GPC6: variants seen among roughly 807,000 people sequenced by gnomAD.
GPC6 encodes glypican 6, also known as glypican-6.
Under a neutral mutation model 55.2 loss-of-function variants are expected in GPC6, and 14 were observed. The ratio of observed to expected loss-of-function variants is 0.25; its 90% CI spans 0.17 to 0.40. The LOEUF (loss-of-function observed/expected upper bound fraction) is 0.40, where lower values mean the gene tolerates loss of function less well. Ranked by LOEUF, GPC6 falls within the 10% of genes least tolerant of loss-of-function variation. GPC6 has a pLI of 1.00. For missense variants in GPC6, 641 were observed against 708.5 expected (o/e 0.90, Z 1.08); for synonymous variants, 278 against 259.6 (o/e 1.07, Z -0.68).
intron 2 of GPC6, among the ~76,000 whole-genome samples, chr13:93,603,881 T>C (rs917803216): frequency 2.6e-5 from 4 of 152,214 alleles, no homozygotes; most frequent in Non-Finnish European, 5.9e-5. Flanking sequence ...CATTTATCTA[T>C]GTACTCTGAT....
At chr13:94,223,506 C>G (rs1282559809) in intron 4 of GPC6, among the ~76,000 whole-genome samples, 1 of 152,148 alleles carries the variant, frequency 6.6e-6, no homozygotes, top group East Asian at 1.9e-4. Context: ...GGTTATGGAA[C>G]TTGGATTTGA....
At chr13:94,066,875 C>A (rs114279283) in intron 4 of GPC6, among the ~76,000 whole-genome samples, 2,129 of 152,220 alleles carry the variant, frequency 0.014, 52 homozygotes, top group South Asian at 0.089. Flanking sequence ...GAGAAAGCTC[C>A]CTGAGAGAGA....
chr13:93,989,712 T>C (rs1881205372), intron 3 of GPC6, among the ~76,000 whole-genome samples: 1 of 152,118 alleles, frequency 6.6e-6, no homozygotes, highest in Non-Finnish European at 1.5e-5. Flanking sequence ...GATCATTAAA[T>C]TGAAGACTGG....
chr13:93,454,570 T>C (rs190285324), intron 1 of GPC6, among the ~76,000 whole-genome samples: 183 of 122,490 alleles, frequency 1.5e-3, no homozygotes, highest in African/African-American at 4.6e-3. Context: ...CTGAGTGGTG[T>C]GTTTACAAAC....
chr13:93,489,502 G>T (rs1393708167), intron 1 of GPC6, among the ~76,000 whole-genome samples: 1 of 151,380 alleles, frequency 6.6e-6, no homozygotes, highest in Non-Finnish European at 1.5e-5. Context: ...TTCCAATTCT[G>T]TGAAGAAAGT....
At chr13:93,855,550 C>G (rs995023515) in intron 3 of GPC6, among the ~76,000 whole-genome samples, 2 of 151,558 alleles carry the variant, frequency 1.3e-5, no homozygotes, top group African/African-American at 4.8e-5. Context: ...TACCAAGGAG[C>G]AAGAATGCAG....
In GPC6 at chr13:94,027,789, C is replaced by T. The variant is rs1391009706; in HGVS notation, c.772C>T (p.Arg258Trp). Residue 258 changes from arginine to tryptophan, a missense_variant, in exon 4 of 9, where the codon CGG becomes TGG. Transcript: ENST00000377047. ...LMKMLYCPYCRGLPTVRPCNN... is the reference protein window; with the variant it reads ...LMKMLYCPYCWGLPTVRPCNN... ...GAAGATGCTGTACTGCCCATACTGT[C>T]GGGGGCTTCCCACTGTGAGGCCCTG... is the stretch of plus-strand genomic sequence containing the variant. The T allele has an allele frequency of 6.2e-6, 10 of 1,613,908 alleles. No individual in the cohort carries two copies. Among genetic ancestry groups the T allele is most frequent in the Non-Finnish European group, 8.5e-6 (10 of 1,179,870 alleles).
chr13:93,373,834 G>C (rs186838307), intron 1 of GPC6, among the ~76,000 whole-genome samples: 178 of 152,106 alleles, frequency 1.2e-3, no homozygotes, highest in Middle Eastern at 3.4e-3. Flanking sequence ...ATCATTTTGC[G>C]TTTATTATAT....
intron 2 of GPC6, among the ~76,000 whole-genome samples, chr13:93,829,788 T>A (rs1485411346): frequency 2.0e-5 from 3 of 152,252 alleles, no homozygotes; most frequent in Non-Finnish European, 4.4e-5. Context: ...TTTATCATTA[T>A]GTAAACAACA....
chr13:94,355,631 C>T (rs1025199144), intron 6 of GPC6, among the ~76,000 whole-genome samples: 3 of 152,104 alleles, frequency 2.0e-5, no homozygotes, highest in Admixed American at 6.5e-5. Flanking sequence ...ATGAAAAGAA[C>T]AGAAATTGCT....
intron 1 of GPC6, among the ~76,000 whole-genome samples, chr13:93,443,988 G>A (rs1292064617): frequency 6.6e-6 from 1 of 151,884 alleles, no homozygotes; most frequent in East Asian, 1.9e-4. Context: ...AGAGATTATG[G>A]GATTCTATTT....
chr13:94,191,885 A>G (rs2138963325), intron 4 of GPC6, among the ~76,000 whole-genome samples: 1 of 152,322 alleles, frequency 6.6e-6, no homozygotes, highest in Admixed American at 6.5e-5. Context: ...TGATGCTCAT[A>G]TGAACTAAGT....
At chr13:94,271,382 G>GCGCACACACACACACA in intron 4 of GPC6, among the ~76,000 whole-genome samples, 1 of 126,760 alleles carries the variant, frequency 7.9e-6, no homozygotes, top group African/African-American at 3.0e-5. Context: ...GCGCGCGCGC[G>GCGCACACACACACACA]CACACACACA....
At chr13:94,291,210 A>G (rs1874952455) in intron 5 of GPC6, among the ~76,000 whole-genome samples, 1 of 152,002 alleles carries the variant, frequency 6.6e-6, no homozygotes, top group Non-Finnish European at 1.5e-5. Context: ...AAAAGAAAAG[A>G]AAGAAAAAAA....
chr13:94,153,346 G>T (rs1347614257), intron 4 of GPC6, among the ~76,000 whole-genome samples: 1 of 152,036 alleles, frequency 6.6e-6, no homozygotes, highest in Admixed American at 6.6e-5. Flanking sequence ...TACTTAAAAG[G>T]CCAAAGCAAA....
rs1396333701 is a variant in GPC6, at chr13:93,676,125, AAATATATATATATATATATATATAT to A, written c.319+130706_319+130730del. 7.2e-3 allele frequency among the ~76,000 whole-genome samples: 245 copies of A among 34,002 alleles called. 7 individuals carry two copies. Among genetic ancestry groups the A allele is most frequent in the Non-Finnish European group, 7.3e-3 (146 of 19,872 alleles). The allele number at this position is 34,002 out of a possible 152,430, so 22.3% of individuals were successfully genotyped here. On this transcript the variant is annotated intron_variant, in intron 2 of 8. Transcript: ENST00000377047. The stretch of plus-strand genomic sequence containing the variant: ...TTCTACTAAAAAAAAAAAAAAAAAA[AAATATATATATATATATATATATAT>A]ATATATATATATATATATACATACA...
chr13:93,981,936 T>G (rs1006316595), intron 3 of GPC6, among the ~76,000 whole-genome samples: 1 of 152,166 alleles, frequency 6.6e-6, no homozygotes, highest in African/African-American at 2.4e-5. Context: ...TCTTATTTCA[T>G]CAAGAAATAT....
At chr13:93,828,045 A>G (rs928999882) in intron 2 of GPC6, among the ~76,000 whole-genome samples, 6 of 151,992 alleles carry the variant, frequency 3.9e-5, no homozygotes, top group Non-Finnish European at 8.8e-5. Context: ...AGCTCTTTGC[A>G]AATCCAGACC....
At chr13:93,804,410 C>A (rs902942983) in intron 2 of GPC6, among the ~76,000 whole-genome samples, 5 of 152,144 alleles carry the variant, frequency 3.3e-5, no homozygotes, top group Non-Finnish European at 7.4e-5. Context: ...TGATTTGCTT[C>A]AAGAATGTGT....
Sources: allele counts gnomAD v4.1 joint callset (sites outside exome capture counted in the v4.1 genomes callset), GRCh38; gene constraint gnomAD v4.1.1; transcripts MANE v1.5; gene names NCBI Gene and HGNC (gene_info 2026-07-23, HGNC 2026-07-21).